PRKCB: variants seen among roughly 807,000 people sequenced by gnomAD.
The protein encoded by PRKCB is protein kinase C beta type.
PRKCB carries 13 observed loss-of-function variants against 81.5 expected under a neutral mutation model. The observed-to-expected ratio is 0.16, with a 90% CI of 0.10 to 0.25. The LOEUF (loss-of-function observed/expected upper bound fraction) is 0.25, where lower values mean the gene tolerates loss of function less well. PRKCB is among the 10% of genes least tolerant of loss of function. The pLI is 1.00. For missense variants in PRKCB, 509 were observed against 875.7 expected (o/e 0.58, Z 5.29); for synonymous variants, 335 against 321.4 (o/e 1.04, Z -0.45).
intron 16 of PRKCB, among the ~76,000 whole-genome samples, chr16:24,204,817 TTG>T (rs1391356694): frequency 6.6e-6 from 1 of 152,066 alleles, no homozygotes; most frequent in Non-Finnish European, 1.5e-5. Context: ...AAGGATTCTT[TTG>T]TGTGTTTTAA....
intron 16 of PRKCB, among the ~76,000 whole-genome samples, chr16:24,195,167 C>G (rs1000796747): frequency 2.7e-5 from 4 of 150,764 alleles, no homozygotes; most frequent in Non-Finnish European, 5.9e-5. Flanking sequence ...TGCCACTGCA[C>G]TCTAGCCTGG....
chr16:24,214,636 T>G, intron 16 of PRKCB, 22 bp from the exon 17 acceptor site: 1 of 1,600,730 alleles, frequency 6.2e-7, no homozygotes, highest in Middle Eastern at 1.7e-4. Context: ...CCACCACAAG[T>G]TCTTTTCTTC....
chr16:23,853,735 G>A (rs571531629), intron 2 of PRKCB, among the ~76,000 whole-genome samples: 3 of 151,682 alleles, frequency 2.0e-5, no homozygotes, highest in Admixed American at 1.3e-4. Flanking sequence ...AAATAAAGAA[G>A]CACTTTTCTT....
At chr16:24,146,774 TAAG>T (rs766020428) in intron 9 of PRKCB, among the ~76,000 whole-genome samples, 3 of 152,168 alleles carry the variant, frequency 2.0e-5, no homozygotes, top group African/African-American at 7.2e-5. Context: ...TGGAATTTGA[TAAG>T]AACGTCACTT....
intron 5 of PRKCB, among the ~76,000 whole-genome samples, chr16:24,051,559 C>T (rs183588922): frequency 8.2e-4 from 125 of 152,026 alleles, no homozygotes; most frequent in African/African-American, 2.3e-3. Context: ...AGCAAGGCTC[C>T]GAGACACCAA....
intron 2 of PRKCB, among the ~76,000 whole-genome samples, chr16:23,964,514 G>A (rs1428454212): frequency 6.6e-6 from 1 of 152,094 alleles, no homozygotes; most frequent in Non-Finnish European, 1.5e-5. Flanking sequence ...CTCTTGGTAA[G>A]GTTAAATACA....
chr16:23,882,109 GTT>G (rs386789845), intron 2 of PRKCB, among the ~76,000 whole-genome samples: 5 of 122,714 alleles, frequency 4.1e-5, no homozygotes, highest in African/African-American at 1.6e-4. Flanking sequence ...GGGTCTCCCT[GTT>G]TCTCGCAGGC....
intron 3 of PRKCB, among the ~76,000 whole-genome samples, chr16:24,031,189 T>C (rs1051865460): frequency 5.9e-5 from 9 of 152,226 alleles, no homozygotes; most frequent in Admixed American, 1.3e-4. Context: ...ATCAAGGGCA[T>C]ATTTATTGAT....
chr16:24,145,565 T>C (rs1966977075), intron 9 of PRKCB, among the ~76,000 whole-genome samples: 1 of 152,232 alleles, frequency 6.6e-6, no homozygotes, highest in Non-Finnish European at 1.5e-5. Context: ...ATTTTGAATG[T>C]AGAGCTGACA....
chr16:24,146,080 G>T (rs1015423763), intron 9 of PRKCB, among the ~76,000 whole-genome samples: 3 of 152,186 alleles, frequency 2.0e-5, no homozygotes, highest in Non-Finnish European at 4.4e-5. Context: ...CAGAGGCAGA[G>T]ATTGGAGTGA....
intron 5 of PRKCB, among the ~76,000 whole-genome samples, chr16:24,042,141 G>A (rs1051251501): frequency 2.6e-5 from 4 of 152,096 alleles, no homozygotes; most frequent in African/African-American, 9.7e-5. Context: ...TGTGTCATGG[G>A]GGTTTGTGTA....
intron 5 of PRKCB, among the ~76,000 whole-genome samples, chr16:24,059,369 C>T (rs551246591): frequency 1.3e-5 from 2 of 152,162 alleles, no homozygotes; most frequent in African/African-American, 4.8e-5. Flanking sequence ...AAAAATAATG[C>T]TTTTAAGTCC....
At chr16:24,061,159 C>T (rs958995440) in intron 5 of PRKCB, among the ~76,000 whole-genome samples, 4 of 152,070 alleles carry the variant, frequency 2.6e-5, no homozygotes, top group African/African-American at 9.7e-5. Context: ...CTCCCGAATT[C>T]AAGCAATTCT....
In PRKCB at chr16:24,217,867, G is replaced by A. The variant is rs1239408143; in HGVS notation, c.*3051G>A. ...TCAGACCTTTAGGGGCCCTAACACA[G>A]TTCAGTTCATACAGGGGTTCAAAAG... On this transcript the variant is annotated 3_prime_UTR_variant, in exon 17 of 17. Coordinates refer to ENST00000643927, the MANE Select transcript of PRKCB (RefSeq NM_002738.7). The A allele has an allele frequency of 4.1e-6, 4 of 985,412 alleles. No homozygotes were observed. The South Asian group carries it at 1.9e-4, about 46-fold the overall frequency. The allele number at this position is 985,412 out of a possible 1,614,324, so 61.0% of individuals were successfully genotyped here.
intron 16 of PRKCB, among the ~76,000 whole-genome samples, chr16:24,205,035 G>A (rs1403813872): frequency 1.3e-5 from 2 of 151,738 alleles, no homozygotes; most frequent in East Asian, 2.0e-4. Context: ...CAGGAGAATC[G>A]CTTGAACCCG....
At chr16:24,063,627 T>A (rs1965999691) in intron 5 of PRKCB, among the ~76,000 whole-genome samples, 1 of 152,080 alleles carries the variant, frequency 6.6e-6, no homozygotes, top group African/African-American at 2.4e-5. Context: ...CCATTTTTTT[T>A]ATAAGGGGAG....
intron 10 of PRKCB, among the ~76,000 whole-genome samples, chr16:24,171,348 C>A (rs1217788628): frequency 6.6e-6 from 1 of 152,200 alleles, no homozygotes; most frequent in East Asian, 1.9e-4. Context: ...GCTTGAGCAT[C>A]CTCATGGCAT....
intron 5 of PRKCB, among the ~76,000 whole-genome samples, chr16:24,037,427 G>A (rs549759214): frequency 1.3e-5 from 2 of 152,292 alleles, no homozygotes; most frequent in Admixed American, 6.5e-5. Flanking sequence ...ATTGTGAAAA[G>A]CACTTACAGG....
intron 2 of PRKCB, among the ~76,000 whole-genome samples, chr16:23,906,588 C>T (rs1963565328): frequency 6.6e-6 from 1 of 152,132 alleles, no homozygotes; most frequent in African/African-American, 2.4e-5. Context: ...AGGCCTCTTA[C>T]TCAATGAGAT....
Sources: allele counts gnomAD v4.1 joint callset (sites outside exome capture counted in the v4.1 genomes callset), GRCh38; gene constraint gnomAD v4.1.1; transcripts MANE v1.5; gene names NCBI Gene and HGNC (gene_info 2026-07-23, HGNC 2026-07-21).